The following TEDC1 variants were observed in gnomAD, a reference collection of about 807,000 sequenced individuals.
TEDC1 encodes the protein tubulin epsilon and delta complex protein 1.
In TEDC1, 54 loss-of-function variants were observed where a neutral mutation model predicts 59.9. That is an observed-to-expected ratio of 0.90 (90% CI 0.72 to 1.13). The LOEUF is 1.13. Ranked by LOEUF, TEDC1 falls within the 50% of genes most tolerant of loss-of-function variation. The probability of loss-of-function intolerance (pLI) is 0.00; values close to 1 mark genes in which losing one functional copy is unlikely to be tolerated. For missense variants in TEDC1, 734 were observed against 683.4 expected, an observed-to-expected ratio of 1.07 and a Z score of -0.83; for synonymous variants, 353 against 298.1, an observed-to-expected ratio of 1.18 and a Z score of -1.90.
At chr14:105,492,797 A>G (rs2084246971) in intron 4 of TEDC1, 63 bp downstream of exon 4, 3 of 1,512,742 alleles carry the variant, frequency 2.0e-6, no homozygotes, top group Non-Finnish European at 2.6e-6. Context: ...GCCAGCTGCC[A>G]GTCCCTGCAG....
chr14:105,498,137 G>A (rs1434556123), intron 8 of TEDC1, among the ~76,000 whole-genome samples, 160 bp downstream of exon 8: 1 of 152,210 alleles, frequency 6.6e-6, no homozygotes, highest in African/African-American at 2.4e-5. Context: ...GAGGGCACCT[G>A]GTGAGGAGCC....
upstream of TEDC1, chr14:105,491,186 G>A (rs1397360893): frequency 6.5e-6 from 10 of 1,548,606 alleles, 1 homozygote; most frequent in South Asian, 1.2e-4. Context: ...GTGATTGGGC[G>A]CAGGTCCCAG....
chr14:105,494,162 G>A, intron 5 of TEDC1: 1 of 580,146 alleles, frequency 1.7e-6, no homozygotes, highest in Non-Finnish European at 3.1e-6. Flanking sequence ...ATCAAGACGT[G>A]GCACGGGTGG....
Position 105,491,288 on chromosome 14 carries a change from C to G in TEDC1, c.-88C>G, listed in dbSNP as rs1379116252. 2.6e-6 allele frequency: 4 copies of G among 1,510,978 alleles called. No individual in the cohort carries two copies. In the African/African-American group the frequency reaches 4.1e-5, roughly 16 times the overall value. 93.6% of individuals were successfully genotyped at this position (1,510,978 alleles called of 1,614,324 possible). A position where few individuals can be genotyped will look rare whatever the true frequency, so the allele number is the denominator to read the frequency against. ...GTAACTGGGCGCAGGTCCCAGCCGC[C>G]GCACTAAACCCGGCCCGTGCGGTGA... On this transcript the variant is annotated 5_prime_UTR_variant, in exon 1 of 9. Coordinates refer to ENST00000392523, the MANE Select transcript of TEDC1 (RefSeq NM_001367178.1).
chr14:105,496,773 C>T (rs587720773), intron 6 of TEDC1: 1 of 159,780 alleles, frequency 6.3e-6, no homozygotes, highest in East Asian at 1.9e-4. Context: ...CCCTGCCTGA[C>T]CCTTCACTTG....
rs377507500 is a variant in TEDC1 at position 105,492,281 on chromosome 14, C to T, written c.401C>T (p.Pro134Leu). The T allele has an allele frequency of 1.5e-5, 24 of 1,606,942 alleles. No homozygotes were observed. The highest frequency in any genetic ancestry group is 2.0e-5 in the Non-Finnish European group (24 of 1,179,970). ...CAGATGCTGGCCCAGGCCCGAGTGC[C>T]TCTGGGTGACGAGATGACTGTGTGC... is the stretch of plus-strand genomic sequence containing the variant. The part of the protein sequence containing the change: ...PEQMLAQARV[P>L]LGDEMTVCQC... The change falls in exon 3 of 9, where the codon CCT becomes CTT. Residue 134 changes from proline to leucine, a missense_variant. Physicochemically the swap from Pro to Leu is moderately conservative, Grantham distance 98 (BLOSUM62 -3). Transcript: ENST00000392523.
At chr14:105,490,146 G>C (rs1173033599), upstream of TEDC1, 3 of 150,934 alleles carry the variant, frequency 2.0e-5, no homozygotes, top group Admixed American at 6.6e-5. Context: ...CGGGGAGGGA[G>C]AGGAGGGGCT....
rs1490077683 is a variant in TEDC1, at chr14:105,492,673, T to G, written c.524T>G (p.Leu175Arg). Residue 175 changes from leucine to arginine, a missense_variant, in exon 4 of 9, where the codon CTG (leucine) becomes CGG (arginine). Leu to Arg is a moderately radical substitution (Grantham distance 102). Coordinates refer to ENST00000392523, the MANE Select transcript of TEDC1 (RefSeq NM_001367178.1). The stretch of plus-strand genomic sequence containing the variant: ...CATGTGCAGTGGCTGATGGGAAAGC[T>G]GCGGTTCCGGTGGCGCCAGCTGGTG... ...VRHVQWLMGK[L>R]RFRWRQLVSS... is the part of the protein sequence containing the mutation. The G allele has an allele frequency of 6.5e-7, 1 of 1,544,800 alleles. No individual in the cohort carries two copies.
Position 105,498,670 on chromosome 14 carries a change from G to T in TEDC1, c.1212G>T (p.Arg404=), listed in dbSNP as rs587745232. The stretch of plus-strand genomic sequence containing the variant: ...GGAGTGCCGCGCGGCGGGCCTCTCG[G>T]GAGGCTGTGGAAAAGGAGCTGGGAG... ...PEWSAARRAS[R]EAVEKELGAL... Residue 404 remains arginine, a synonymous_variant, in exon 9 of 9, where the codon CGG becomes CGT. Transcript: ENST00000392523. 2 of 1,554,222 alleles carry T rather than the reference G, an allele frequency of 1.3e-6. No individual in the cohort carries two copies. Among genetic ancestry groups the T allele is most frequent in the Admixed American group, 3.9e-5 (2 of 51,444 alleles).
intron 5 of TEDC1, chr14:105,495,612 G>C (rs1446397972): frequency 1.4e-5 from 6 of 435,248 alleles, no homozygotes; most frequent in Non-Finnish European, 2.1e-5. Context: ...TGGCAGTGCT[G>C]AGGCAGCATC....
At chr14:105,497,027 T>G (rs2084361942) in intron 6 of TEDC1, 1 of 436,580 alleles carries the variant, frequency 2.3e-6, no homozygotes, top group Non-Finnish European at 4.1e-6. Flanking sequence ...CTGACCTTGT[T>G]GGACTGGCAG....
At chr14:105,492,786 C>A in intron 4 of TEDC1, 52 bp downstream of exon 4, 1 of 1,519,680 alleles carries the variant, frequency 6.6e-7, no homozygotes. Context: ...TGCTGCAGGC[C>A]GCCAGCTGCC....
chr14:105,490,371 C>G (rs1313103997), upstream of TEDC1: 5 of 152,360 alleles, frequency 3.3e-5, no homozygotes, highest in Non-Finnish European at 7.3e-5. Context: ...CGGGAACAGC[C>G]CCGGTGACAC....
At chr14:105,490,787 G>T, upstream of TEDC1, 1 of 558,370 alleles carries the variant, frequency 1.8e-6, no homozygotes, top group Non-Finnish European at 3.2e-6. Flanking sequence ...GCGATGGGGC[G>T]AGGCTCGTCC....
In TEDC1 at chr14:105,491,710, G is replaced by T. The variant is rs1555439394; in HGVS notation, c.226+10G>T. The T allele has an allele frequency of 3.9e-6, 6 of 1,545,718 alleles. No individual in the cohort carries two copies. The Admixed American group carries it at 5.9e-5, about 15-fold the overall frequency. The stretch of plus-strand genomic sequence containing the variant: ...GCATCGCTCGCCCTGGGTAAGCCCC[G>T]CTCCTGGCCCCGCCCACCCGGTAGC... On this transcript the variant is annotated intron_variant, in intron 2 of 8. Coordinates refer to ENST00000392523, the MANE Select transcript of TEDC1 (RefSeq NM_001367178.1).
intron 6 of TEDC1, 192 bp downstream of exon 6, chr14:105,496,278 CTCT>C (rs1287001634): frequency 5.4e-5 from 34 of 631,320 alleles, no homozygotes; most frequent in East Asian, 2.5e-4. Context: ...GAGGCCTTTG[CTCT>C]TCTTGTGGCG....
In TEDC1 at chr14:105,497,992, C is replaced by T. The variant is rs782298636; in HGVS notation, c.1158+15C>T. On this transcript the variant is annotated intron_variant, in intron 8 of 8. Transcript: ENST00000392523. ...GGGAGGCCAAGGTGAGTGCCAGCCTCGCTCTGGGCACCAGCCCAGCCCCAC... is the reference window on the plus strand; with the variant it reads ...GGGAGGCCAAGGTGAGTGCCAGCCTTGCTCTGGGCACCAGCCCAGCCCCAC... The T allele has an allele frequency of 5.6e-5, 85 of 1,504,700 alleles. No individual in the cohort carries two copies. In the South Asian group the frequency reaches 5.9e-4, roughly 11 times the overall value. 93.2% of individuals were successfully genotyped at this position (1,504,700 alleles called of 1,614,324 possible).
At chr14:105,498,159 G>A (rs587639857) in intron 8 of TEDC1, among the ~76,000 whole-genome samples, 182 bp downstream of exon 8, 6 of 152,294 alleles carry the variant, frequency 3.9e-5, no homozygotes, top group South Asian at 2.1e-4. Context: ...CAGCTGCTGC[G>A]AGACAGCCCC....
At chr14:105,491,722 G>T (rs1555439404) in intron 2 of TEDC1, 22 bp downstream of exon 2, 2 of 1,451,026 alleles carry the variant, frequency 1.4e-6, no homozygotes, top group Non-Finnish European at 1.8e-6. Context: ...TCCTGGCCCC[G>T]CCCACCCGGT....
Sources: allele counts gnomAD v4.1 joint callset (sites outside exome capture counted in the v4.1 genomes callset), GRCh38; gene constraint gnomAD v4.1.1; transcripts MANE v1.5; gene names NCBI Gene and HGNC (gene_info 2026-07-23, HGNC 2026-07-21).